TPPP: variants seen among roughly 807,000 people sequenced by gnomAD.
TPPP encodes tubulin polymerization-promoting protein.
In TPPP, 6 loss-of-function variants were observed where a neutral mutation model predicts 15.5. That is an observed-to-expected ratio of 0.39 (90% confidence interval 0.21 to 0.77). TPPP has a LOEUF of 0.77. TPPP is among the 30% of genes least tolerant of loss of function. The pLI is 0.42. For synonymous variants in TPPP, 146 were observed against 133.9 expected (o/e 1.09, Z -0.63); for missense variants, 269 against 307.2 (o/e 0.88, Z 0.93).
At chr5:680,856 T>C (rs1394897739) in intron 1 of TPPP, among the ~76,000 whole-genome samples, 1 of 152,202 alleles carries the variant, frequency 6.6e-6, no homozygotes. Flanking sequence ...AAACTAAAAA[T>C]GACAATGAAT....
At chr5:677,233 T>C (rs35914637) in intron 2 of TPPP, among the ~76,000 whole-genome samples, 47,472 of 152,106 alleles carry the variant, frequency 0.31, 8,947 homozygotes, top group African/African-American at 0.53. Flanking sequence ...GACACCCGAA[T>C]GGCCAGCTCC....
intron 2 of TPPP, among the ~76,000 whole-genome samples, chr5:675,118 G>T (rs1473449363): frequency 1.5e-5 from 2 of 136,782 alleles, no homozygotes; most frequent in Admixed American, 7.3e-5. Context: ...CAGCACGGGG[G>T]GTACAGTGTG....
chr5:684,700 G>A (rs1031170414), intron 1 of TPPP, among the ~76,000 whole-genome samples: 3 of 152,026 alleles, frequency 2.0e-5, no homozygotes, highest in Admixed American at 6.6e-5. Context: ...GTGCCACCCC[G>A]CCAGCCCCCA....
At chr5:666,737 A>G (rs436826) in intron 2 of TPPP, 1 of 152,548 alleles carries the variant, frequency 6.6e-6, no homozygotes, top group Admixed American at 6.5e-5. Flanking sequence ...CGCCACATCT[A>G]AACACAGTCC....
At position 661,746 on chromosome 5, in the gene TPPP, G is replaced by A. The variant is rs1191059204; in HGVS notation, c.*3356C>T. The A allele has an allele frequency of 1.3e-5, 2 of 152,422 alleles. No homozygotes were observed. The allele number at this position is 152,422 out of a possible 1,614,324, so 9.4% of individuals were successfully genotyped here. A position where few individuals can be genotyped will look rare whatever the true frequency, so the allele number is the denominator to read the frequency against. ...TTCCACAGACAAGTTGTAACTGACAGTGGTGACCACTATGTCCTCGTGACT... is the reference window on the plus strand; with the variant it reads ...TTCCACAGACAAGTTGTAACTGACAATGGTGACCACTATGTCCTCGTGACT... On this transcript the variant is annotated 3_prime_UTR_variant, in exon 4 of 4. Transcript: ENST00000360578.
At chr5:665,390 G>C in intron 3 of TPPP, 94 bp from the exon 4 acceptor site, 1 of 1,183,816 alleles carries the variant, frequency 8.4e-7, no homozygotes, top group South Asian at 1.4e-5. Flanking sequence ...TCTCCCAGCG[G>C]TGGGGCACTG....
At chr5:681,154 G>T (rs1190028437) in intron 1 of TPPP, among the ~76,000 whole-genome samples, 2 of 152,220 alleles carry the variant, frequency 1.3e-5, no homozygotes, top group African/African-American at 4.8e-5. Flanking sequence ...CCTTGGATGG[G>T]CAGAGGCCAG....
At chr5:668,973 G>A (rs1740077106) in intron 2 of TPPP, among the ~76,000 whole-genome samples, 1 of 152,206 alleles carries the variant, frequency 6.6e-6, no homozygotes, top group Non-Finnish European at 1.5e-5. Flanking sequence ...AACAGCACCT[G>A]AGGGTTCCCA....
intron 2 of TPPP, among the ~76,000 whole-genome samples, chr5:674,195 C>T (rs1051449414): frequency 2.0e-5 from 3 of 152,214 alleles, no homozygotes; most frequent in Non-Finnish European, 4.4e-5. Context: ...TCCTGTGTAT[C>T]CTGGAACACA....
chr5:688,640 G>T (rs1160036251), intron 1 of TPPP, among the ~76,000 whole-genome samples: 6 of 149,648 alleles, frequency 4.0e-5, no homozygotes, highest in Non-Finnish European at 6.0e-5. Context: ...AGGCGGCCTG[G>T]GGACACGTGG....
At position 684,784 on chromosome 5, in the gene TPPP, G is replaced by A. The variant is rs144725540; in HGVS notation, c.-4-6720C>T. On this transcript the variant is annotated intron_variant, in intron 1 of 3. Transcript: ENST00000360578. ...TATCATCGCACGGCACTCCTGCTCC[G>A]CGGGACTCTCCCTGTGAACCGCCCC... Among the ~76,000 whole-genome samples, 226 of 152,244 alleles carry A rather than the reference G, an allele frequency of 1.5e-3. 2 individuals are homozygous for A. The highest frequency in any genetic ancestry group is 4.5e-3 in the African/African-American group (188 of 41,542).
At chr5:679,394 C>T (rs370231021) in intron 1 of TPPP, among the ~76,000 whole-genome samples, 2 of 103,936 alleles carry the variant, frequency 1.9e-5, no homozygotes. Flanking sequence ...GGCTGGGCCG[C>T]GTGGGGGCAG....
At chr5:668,240 C>G (rs530016029) in intron 2 of TPPP, among the ~76,000 whole-genome samples, 1 of 80,242 alleles carries the variant, frequency 1.2e-5, no homozygotes, top group Non-Finnish European at 2.4e-5. Context: ...CGTGTGGGCG[C>G]CGTCAGGGAA....
chr5:699,181 G>A, the TPPP span, among the ~76,000 whole-genome samples: 1 of 151,996 alleles, frequency 6.6e-6, no homozygotes, highest in Admixed American at 6.6e-5. Flanking sequence ...ACTAGCCAAA[G>A]CAATCCAAAG....
At chr5:684,242 G>A (rs947986193) in intron 1 of TPPP, among the ~76,000 whole-genome samples, 8 of 152,248 alleles carry the variant, frequency 5.3e-5, no homozygotes, top group Non-Finnish European at 7.3e-5. Flanking sequence ...CTGAGGGAGC[G>A]GAGGGGATCG....
chr5:678,891 G>A (rs1189242209), intron 1 of TPPP, among the ~76,000 whole-genome samples: 6 of 152,188 alleles, frequency 3.9e-5, no homozygotes, highest in East Asian at 3.9e-4. Flanking sequence ...CAGGGCTGCC[G>A]AGGCCACCTC....
At chr5:685,693 C>T (rs1425404806) in intron 1 of TPPP, among the ~76,000 whole-genome samples, 1 of 152,228 alleles carries the variant, frequency 6.6e-6, no homozygotes, top group Non-Finnish European at 1.5e-5. Flanking sequence ...CCTCTGGGAA[C>T]CACATCTTGG....
chr5:669,841 A>G (rs1740140207), intron 2 of TPPP, among the ~76,000 whole-genome samples: 1 of 152,062 alleles, frequency 6.6e-6, no homozygotes, highest in Non-Finnish European at 1.5e-5. Flanking sequence ...GTTCTAGGAC[A>G]GCGGTGCCTG....
chr5:666,850 TC>T (rs2126869229), intron 2 of TPPP: 1 of 152,300 alleles, frequency 6.6e-6, no homozygotes, highest in Non-Finnish European at 1.5e-5. Context: ...AAAACATTTT[TC>T]TCCTCTGACC....
Sources: allele counts gnomAD v4.1 joint callset (sites outside exome capture counted in the v4.1 genomes callset), GRCh38; gene constraint gnomAD v4.1.1; transcripts MANE v1.5; gene names NCBI Gene and HGNC (gene_info 2026-07-23, HGNC 2026-07-21).